DACH1: variants seen among roughly 807,000 people sequenced by gnomAD.
DACH1 encodes the protein dachshund family transcription factor 1.
Under a neutral mutation model 54.2 loss-of-function variants are expected in DACH1, and 12 were observed. That is an observed-to-expected ratio of 0.22 (90% CI 0.14 to 0.36). The LOEUF (loss-of-function observed/expected upper bound fraction) is 0.36, where lower values mean the gene tolerates loss of function less well. DACH1 is among the 10% of genes least tolerant of loss of function. DACH1 has a pLI of 1.00. For synonymous variants in DACH1, 386 were observed against 366.2 expected, an observed-to-expected ratio of 1.05 and a Z score of -0.62; for missense variants, 805 against 929.8, an observed-to-expected ratio of 0.87 and a Z score of 1.75.
At chr13:71,474,530 C>T (rs965981360) in intron 10 of DACH1, among the ~76,000 whole-genome samples, 6 of 152,012 alleles carry the variant, frequency 3.9e-5, no homozygotes, top group Non-Finnish European at 8.8e-5. Flanking sequence ...TCTAATAGTA[C>T]GATCATGACA....
chr13:71,588,620 T>C (rs1302340816), intron 3 of DACH1, among the ~76,000 whole-genome samples: 2 of 152,000 alleles, frequency 1.3e-5, no homozygotes, highest in African/African-American at 4.8e-5. Context: ...AGACAAATGA[T>C]AGTCTATTGT....
chr13:71,513,807 C>A lies in DACH1; in HGVS notation c.1571-24659G>T, dbSNP rs555923667. On this transcript the variant is annotated intron_variant, in intron 6 of 10. Transcript: ENST00000613252. The stretch of plus-strand genomic sequence containing the variant: ...GTATTTACAGTCTCAAGTGCTCCAC[C>A]CAGTCCATATGGTAGATTTGTTCTC... 1.6e-4 allele frequency among the ~76,000 whole-genome samples: 25 copies of A among 152,066 alleles called. No individual in the cohort carries two copies. The South Asian group carries it at 4.8e-3, about 29-fold the overall frequency.
chr13:71,458,747 A>C (rs1875809595), intron 10 of DACH1, among the ~76,000 whole-genome samples: 1 of 151,902 alleles, frequency 6.6e-6, no homozygotes, highest in African/African-American at 2.4e-5. Flanking sequence ...TGTTTCATAT[A>C]ATAAAATCTA....
At chr13:71,690,676 A>AATCTCAGCAC (rs1881434421) in intron 1 of DACH1, among the ~76,000 whole-genome samples, 1 of 152,214 alleles carries the variant, frequency 6.6e-6, no homozygotes, top group Non-Finnish European at 1.5e-5. Flanking sequence ...TCACGCCTAT[A>AATCTCAGCAC]ATCTCAGCAC....
At chr13:71,493,364 T>C (rs1467114504) in intron 6 of DACH1, among the ~76,000 whole-genome samples, 1 of 152,086 alleles carries the variant, frequency 6.6e-6, no homozygotes, top group African/African-American at 2.4e-5. Context: ...AGTTAAAGCA[T>C]TAATGGCTGC....
chr13:71,479,246 A>C lies in DACH1; in HGVS notation c.1793T>G (p.Leu598Arg). Reference sequence around the variant, plus strand: ...TCTTTCCCTTAAAAAATCCATCTTCAGCTCAGTTTTTTCCAGTTGGACCTG... The same window carrying C: ...TCTTTCCCTTAAAAAATCCATCTTCCGCTCAGTTTTTTCCAGTTGGACCTG... ...EKQVQLEKTE[L>R]KMDFLREREL... Residue 598 changes from leucine (L) to arginine (R), a missense_variant, in exon 8 of 11, where the codon CTG (leucine) becomes CGG (arginine). Transcript: ENST00000613252. 6.2e-7 allele frequency: 1 copy of C among 1,613,786 alleles called. No individual in the cohort carries two copies. The highest frequency in any genetic ancestry group is 2.2e-5 in the East Asian group (1 of 44,812).
At position 71,588,744 on chromosome 13, in the gene DACH1, GAGATT is replaced by G. The variant is rs568925984; in HGVS notation, c.1127-15737_1127-15733del. On this transcript the variant is annotated intron_variant, in intron 3 of 10. Coordinates refer to ENST00000613252, the MANE Select transcript of DACH1 (RefSeq NM_080759.6). ...CAATAGAAACACTAAGCCATTAAAT[GAGATT>G]AGTAAATCACTTTGTCAATCACACA... Among the ~76,000 whole-genome samples the G allele has an allele frequency of 2.5e-3, 345 of 136,446 alleles. 3 individuals carry two copies. The highest frequency in any genetic ancestry group is 7.6e-3 in the Admixed American group (97 of 12,778). The allele number at this position is 136,446 out of a possible 152,430, so 89.5% of individuals were successfully genotyped here.
At chr13:71,452,415 A>T (rs1052143837) in intron 10 of DACH1, among the ~76,000 whole-genome samples, 1 of 152,158 alleles carries the variant, frequency 6.6e-6, no homozygotes, top group African/African-American at 2.4e-5. Flanking sequence ...GACATGAGCC[A>T]TTGCACCTAG....
chr13:71,641,113 G>A (rs576988762), intron 2 of DACH1, among the ~76,000 whole-genome samples: 282 of 151,942 alleles, frequency 1.9e-3, no homozygotes, highest in African/African-American at 6.5e-3. Context: ...TGTTTGGGAT[G>A]AGCCATCTAA....
rs768354886 is a variant in DACH1, at chr13:71,630,705, G to A, written c.977C>T (p.Ala326Val). 3 of 1,582,686 alleles carry A rather than the reference G, an allele frequency of 1.9e-6. No individual in the cohort carries two copies. The highest frequency in any genetic ancestry group is 2.0e-5 in the Admixed American group (1 of 50,304). Residue 326 changes from alanine (A) to valine (V), a missense_variant, in exon 3 of 11, where the codon GCC becomes GTC. Ala to Val is a moderately conservative substitution (Grantham distance 64). Coordinates refer to ENST00000613252, the MANE Select transcript of DACH1 (RefSeq NM_080759.6). ...GGTAGCAGCAGCAGCTGCTGCAGCG[G>A]CTGCTGTCAGACCTTAAAAGAATAA... ...GIIPPTGLTA[A>V]AAAAAAATNA...
chr13:71,485,006 A>C (rs1287473166), intron 7 of DACH1, among the ~76,000 whole-genome samples: 1 of 152,076 alleles, frequency 6.6e-6, no homozygotes, highest in East Asian at 1.9e-4. Context: ...CAGTGAGCCC[A>C]GATGGTGCCA....
intron 1 of DACH1, among the ~76,000 whole-genome samples, chr13:71,823,203 G>A (rs1356023885): frequency 3.9e-5 from 6 of 152,024 alleles, no homozygotes; most frequent in Non-Finnish European, 8.8e-5. Flanking sequence ...TTTGCAAGCT[G>A]TAAAGATAAG....
At position 71,794,560 on chromosome 13, in the gene DACH1, C is replaced by G. The variant is rs562503148; in HGVS notation, c.848+71362G>C. Among the ~76,000 whole-genome samples, 6 of 152,210 alleles carry G rather than the reference C, an allele frequency of 3.9e-5. No homozygotes were observed. In the East Asian group the frequency reaches 1.2e-3, roughly 29 times the overall value. On this transcript the variant is annotated intron_variant, in intron 1 of 10. Coordinates refer to ENST00000613252, the MANE Select transcript of DACH1 (RefSeq NM_080759.6). The stretch of plus-strand genomic sequence containing the variant: ...TTCAAGTGATTCTCTTGCCTCATCT[C>G]TCATACAGGTGGGATTACAGGTGCG...
intron 1 of DACH1, among the ~76,000 whole-genome samples, chr13:71,745,553 A>T (rs1884568125): frequency 6.6e-6 from 1 of 152,236 alleles, no homozygotes; most frequent in Admixed American, 6.5e-5. Context: ...TCAGGTTTCC[A>T]CCAACTAAGC....
rs975435131 is a variant in DACH1, at chr13:71,571,118, T to A, written c.1299+1722A>T. 4.6e-5 allele frequency among the ~76,000 whole-genome samples: 7 copies of A among 152,142 alleles called. 1 individual carries two copies. The highest frequency in any genetic ancestry group is 5.9e-5 in the Non-Finnish European group (4 of 68,016). On this transcript the variant is annotated intron_variant, in intron 4 of 10. Transcript: ENST00000613252. The stretch of plus-strand genomic sequence containing the variant: ...TGTTTGCCTTATTTATTAATGTAAA[T>A]CTTACCTAAATGAGAGATTTTAGTT...
intron 6 of DACH1, among the ~76,000 whole-genome samples, chr13:71,512,558 C>G (rs1428571606): frequency 6.6e-6 from 1 of 151,732 alleles, no homozygotes; most frequent in Non-Finnish European, 1.5e-5. Flanking sequence ...AATATTTGGT[C>G]CAGTAGACCA....
At chr13:71,750,120 C>T (rs924823360) in intron 1 of DACH1, among the ~76,000 whole-genome samples, 2 of 152,128 alleles carry the variant, frequency 1.3e-5, no homozygotes, top group Non-Finnish European at 2.9e-5. Context: ...TGCTCTTTCT[C>T]CGCCTGGAAC....
At chr13:71,799,450 T>A (rs1887197404) in intron 1 of DACH1, among the ~76,000 whole-genome samples, 1 of 152,132 alleles carries the variant, frequency 6.6e-6, no homozygotes, top group Non-Finnish European at 1.5e-5. Context: ...ATTAAAAAAG[T>A]AATTGGCTGG....
At chr13:71,661,010 T>C (rs1879449188) in intron 2 of DACH1, among the ~76,000 whole-genome samples, 1 of 149,340 alleles carries the variant, frequency 6.7e-6, no homozygotes, top group South Asian at 2.2e-4. Context: ...ATAACATTGT[T>C]ATAGAAAAAG....
Sources: allele counts gnomAD v4.1 joint callset (sites outside exome capture counted in the v4.1 genomes callset), GRCh38; gene constraint gnomAD v4.1.1; transcripts MANE v1.5; gene names NCBI Gene and HGNC (gene_info 2026-07-23, HGNC 2026-07-21).